Variants in ZNF200 observed in about 807,000 individuals in gnomAD.
ZNF200 encodes the protein zinc finger protein 200.
ZNF200 carries 35 observed loss-of-function variants against 33.6 expected under a neutral mutation model. The ratio of observed to expected loss-of-function variants is 1.04; its 90% confidence interval spans 0.80 to 1.38. The LOEUF (loss-of-function observed/expected upper bound fraction) is 1.38. Among genes scored for constraint, ZNF200 ranks in the 40% most tolerant of loss-of-function variants. ZNF200 has a pLI of 0.00. For missense variants in ZNF200, 592 were observed against 470.6 expected (o/e 1.26, Z -2.39); for synonymous variants, 209 against 167.7 (o/e 1.25, Z -1.90).
At chr16:3,232,242 C>T (rs1478082250) in intron 4 of ZNF200, among the ~76,000 whole-genome samples, 179 bp downstream of exon 4, 2 of 152,140 alleles carry the variant, frequency 1.3e-5, no homozygotes, top group Non-Finnish European at 2.9e-5. Context: ...AATGGCCACC[C>T]ACCCACAGCT....
In ZNF200 at chr16:3,224,319, CAAGTGT is replaced by C. The variant is rs1275494108; in HGVS notation, c.755_760del (p.Tyr252_Thr253del). On this transcript the variant is annotated inframe_deletion, in exon 5 of 5. Transcript: ENST00000414144. ...ATTAAACTGTTTCCCACACAGTGGA[CAAGTGT>C]ACCATCTCCTTGTCCTCCGATTTCG... 1.2e-6 allele frequency: 2 copies of C among 1,614,136 alleles called. No individual in the cohort carries two copies. The highest frequency in any genetic ancestry group is 1.1e-5 in the South Asian group (1 of 91,076).
intron 4 of ZNF200, among the ~76,000 whole-genome samples, chr16:3,230,967 T>C (rs768098919): frequency 3.9e-4 from 60 of 152,204 alleles, no homozygotes; most frequent in Non-Finnish European, 5.9e-4. Flanking sequence ...ACAAACCAAA[T>C]TGGAAGATTA....
chr16:3,232,837 G>C lies in ZNF200; in HGVS notation c.335C>G (p.Pro112Arg), dbSNP rs1464492157. The C allele has an allele frequency of 3.7e-6, 6 of 1,613,840 alleles. No individual in the cohort carries two copies. The South Asian group carries it at 6.6e-5, about 18-fold the overall frequency. Reference sequence around the variant, plus strand: ...AAATGGGAAAACCAAACCCACCTCAGGGTTAGCTTTCAAATACAGAGACAC... The same window carrying C: ...AAATGGGAAAACCAAACCCACCTCACGGTTAGCTTTCAAATACAGAGACAC... ...ETVSLYLKAN[P>R]EELVVFEDLN... The change falls in exon 3 of 5, where the codon CCT becomes CGT. Residue 112 changes from proline to arginine, a missense_variant. By Grantham distance (103) the Pro-to-Arg change is moderately radical. Transcript: ENST00000414144.
At position 3,223,949 on chromosome 16, in the gene ZNF200, T is replaced by TTA. The variant is rs1246171139; in HGVS notation, c.1130_1131insTA (p.Asn378LysfsTer28). 1.2e-6 allele frequency: 2 copies of TTA among 1,614,184 alleles called. No homozygotes were observed. ...GGGTTTTCTCATGCCGGGTACAGTT[T>TTA]GACAGCCGACCAAATCTTCTCCCAC... On this transcript the variant is annotated frameshift_variant, in exon 5 of 5. Coordinates refer to ENST00000414144, the MANE Select transcript of ZNF200 (RefSeq NM_198088.3). LOFTEE classifies it high-confidence loss of function.
At chr16:3,229,716 TCAGCCGGACAAGGTGGCAGG>T (rs1958584874) in intron 4 of ZNF200, among the ~76,000 whole-genome samples, 1 of 151,954 alleles carries the variant, frequency 6.6e-6, no homozygotes, top group African/African-American at 2.4e-5. Context: ...ATACAAAAAA[TCAGCCGGACAAGGTGGCAGG>T]CACCTGTAGT....
rs536071673 is a variant in ZNF200, at chr16:3,222,801, T to A, written c.*1091A>T. On this transcript the variant is annotated 3_prime_UTR_variant, in exon 5 of 5. Transcript: ENST00000414144. The stretch of plus-strand genomic sequence containing the variant: ...TGGATATCAAGAGGCTGAAGACAAT[T>A]AATACCCACTACAATGAAGACACCT... The A allele has an allele frequency of 6.6e-6, 1 of 152,182 alleles. No individual in the cohort carries two copies. Among genetic ancestry groups the A allele is most frequent in the Non-Finnish European group, 1.5e-5 (1 of 68,058 alleles). The allele number at this position is 152,182 out of a possible 1,614,324, so 9.4% of individuals were successfully genotyped here.
intron 4 of ZNF200, 179 bp from the exon 5 acceptor site, chr16:3,224,792 T>C (rs922394106): frequency 1.4e-6 from 1 of 691,092 alleles, no homozygotes; most frequent in Non-Finnish European, 2.3e-6. Flanking sequence ...GATAAATCTT[T>C]CCATCTACCA....
intron 4 of ZNF200, among the ~76,000 whole-genome samples, chr16:3,229,722 G>A (rs548472152): frequency 9.9e-5 from 15 of 152,104 alleles, no homozygotes; most frequent in East Asian, 1.9e-4. Flanking sequence ...AAAATCAGCC[G>A]GACAAGGTGG....
At chr16:3,230,012 G>A (rs985427691) in intron 4 of ZNF200, among the ~76,000 whole-genome samples, 5 of 152,192 alleles carry the variant, frequency 3.3e-5, no homozygotes, top group South Asian at 2.1e-4. Flanking sequence ...TGGGTAGATC[G>A]CTCATGAATG....
chr16:3,224,042 T>C lies in ZNF200; in HGVS notation c.1038A>G (p.Pro346=). 1.9e-6 allele frequency: 3 copies of C among 1,614,248 alleles called. No homozygotes were observed. Among genetic ancestry groups the C allele is most frequent in the East Asian group, 2.2e-5 (1 of 44,886 alleles). The change falls in exon 5 of 5, where the codon CCA becomes CCG. Residue 346 remains proline (P), a synonymous_variant. Transcript: ENST00000414144. The part of the protein sequence containing the change: ...FKCPECGKTF[P]KNEEFVLHLQ... ...GATGAAGCACAAACTCCTCATTCTT[T>C]GGGAAGGTTTTCCCACATTCTGGAC...
rs999906495 is a variant in ZNF200, at chr16:3,233,008, T to C, written c.251-87A>G. ...ATACCGCGAGGCCAGGCTGTCCTCA[T>C]TCCTTTGACAGGTAACTCATGGCCT... On this transcript the variant is annotated intron_variant, in intron 2 of 4. Transcript: ENST00000414144. 2.5e-6 allele frequency: 3 copies of C among 1,191,158 alleles called. No homozygotes were observed. The South Asian group carries it at 3.8e-5, about 15-fold the overall frequency. 73.8% of individuals were successfully genotyped at this position (1,191,158 alleles called of 1,614,324 possible).
At chr16:3,224,753 CAT>C (rs1958424768) in intron 4 of ZNF200, 140 bp from the exon 5 acceptor site, 2 of 1,053,872 alleles carry the variant, frequency 1.9e-6, no homozygotes, top group Non-Finnish European at 1.3e-6. Context: ...ACTCCTTTTC[CAT>C]ACTTATTGAG....
intron 3 of ZNF200, 113 bp from the exon 4 acceptor site, chr16:3,232,660 T>C (rs1958667041): frequency 6.6e-7 from 1 of 1,509,168 alleles, no homozygotes; most frequent in African/African-American, 1.4e-5. Flanking sequence ...GAGGGACCTA[T>C]AAATCCCACA....
chr16:3,225,074 T>C (rs1567217604), intron 4 of ZNF200: 2 of 154,472 alleles, frequency 1.3e-5, no homozygotes, highest in African/African-American at 4.8e-5. Flanking sequence ...CACTAAATAA[T>C]ATCATAATGT....
At chr16:3,234,296 C>G (rs1300228689) in intron 1 of ZNF200, 1 of 152,432 alleles carries the variant, frequency 6.6e-6, no homozygotes, top group Non-Finnish European at 1.5e-5. Flanking sequence ...GTCCCAGCTA[C>G]TGGGGAGCTG....
In ZNF200 at chr16:3,223,698, G is replaced by T; in HGVS notation, c.*194C>A. 2 of 784,112 alleles carry T rather than the reference G, an allele frequency of 2.6e-6. No homozygotes were observed. Among genetic ancestry groups the T allele is most frequent in the Non-Finnish European group, 3.9e-6 (2 of 514,308 alleles). The allele number at this position is 784,112 out of a possible 1,614,324, so 48.6% of individuals were successfully genotyped here. On this transcript the variant is annotated 3_prime_UTR_variant, in exon 5 of 5. Transcript: ENST00000414144. The stretch of plus-strand genomic sequence containing the variant: ...CAAAAAGCCTAGATGCTGAGGTATA[G>T]CCCTTGAAATGTTTTCTTCCCTGTG...
At chr16:3,228,042 T>TA (rs1958518595) in intron 4 of ZNF200, among the ~76,000 whole-genome samples, 1 of 33,956 alleles carries the variant, frequency 2.9e-5, no homozygotes. Context: ...AACATAGTAT[T>TA]TTTTTTTTTT....
At chr16:3,231,240 A>G (rs1308791932) in intron 4 of ZNF200, among the ~76,000 whole-genome samples, 1 of 152,056 alleles carries the variant, frequency 6.6e-6, no homozygotes, top group Non-Finnish European at 1.5e-5. Context: ...TCTGCCCAAG[A>G]CTCAGGAAAA....
At chr16:3,233,287 T>C (rs1335538876) in intron 2 of ZNF200, among the ~76,000 whole-genome samples, 2 of 152,242 alleles carry the variant, frequency 1.3e-5, no homozygotes, top group Non-Finnish European at 2.9e-5. Flanking sequence ...TCCCTCAGAA[T>C]GTTTGGGTAA....
Sources: gnomAD v4.1 joint callset for allele counts (sites outside exome capture counted in the v4.1 genomes callset) on GRCh38, gnomAD v4.1.1 for gene constraint, MANE v1.5 for transcripts, NCBI Gene and HGNC (gene_info 2026-07-23, HGNC 2026-07-21) for gene names.